DLGAP1: variants seen among roughly 807,000 people sequenced by gnomAD.
DLGAP1 encodes DLG associated protein 1.
Under a neutral mutation model 90.8 loss-of-function variants are expected in DLGAP1, and 11 were observed. The ratio of observed to expected loss-of-function variants is 0.12; its 90% confidence interval spans 0.08 to 0.20. The LOEUF (loss-of-function observed/expected upper bound fraction) is 0.20, where lower values mean the gene tolerates loss of function less well. Ranked by LOEUF, DLGAP1 falls within the 10% of genes least tolerant of loss-of-function variation. The pLI is 1.00. For synonymous variants in DLGAP1, 558 were observed against 540.7 expected, an observed-to-expected ratio of 1.03 and a Z score of -0.44; for missense variants, 1,050 against 1,333.8, an observed-to-expected ratio of 0.79 and a Z score of 3.31.
chr18:4,368,722 G>A (rs649584), intron 1 of DLGAP1, among the ~76,000 whole-genome samples: 143,630 of 151,252 alleles, frequency 0.95, 68,274 homozygotes, highest in East Asian at 1. Flanking sequence ...CATGACTACT[G>A]TAGATTTATA....
chr18:4,196,380 A>C (rs1284620019), intron 1 of DLGAP1, among the ~76,000 whole-genome samples: 1 of 152,226 alleles, frequency 6.6e-6, no homozygotes, highest in Non-Finnish European at 1.5e-5. Flanking sequence ...AACTTCAAAA[A>C]ACAAAAGCAA....
chr18:4,204,136 C>A (rs78333740), intron 1 of DLGAP1, among the ~76,000 whole-genome samples: 2 of 152,296 alleles, frequency 1.3e-5, no homozygotes, highest in South Asian at 4.2e-4. Context: ...ATATTTAACT[C>A]GGCTTAATCG....
intron 1 of DLGAP1, among the ~76,000 whole-genome samples, chr18:4,351,878 TTCAAACAC>T (rs2081409881): frequency 6.6e-6 from 1 of 152,242 alleles, no homozygotes; most frequent in South Asian, 2.1e-4. Context: ...TTAGGTATAT[TTCAAACAC>T]TCAAATGTGT....
chr18:3,976,837 T>C (rs950997470), intron 3 of DLGAP1, among the ~76,000 whole-genome samples: 2 of 152,216 alleles, frequency 1.3e-5, no homozygotes, highest in African/African-American at 4.8e-5. Flanking sequence ...AAAGGTACTA[T>C]TCTCATCATG....
chr18:3,736,688 C>T (rs959446030), intron 6 of DLGAP1, among the ~76,000 whole-genome samples: 1 of 152,098 alleles, frequency 6.6e-6, no homozygotes, highest in African/African-American at 2.4e-5. Context: ...AATGTTGCAA[C>T]TACAACAGGA....
rs990811474 is a variant in DLGAP1 at position 3,561,263 on chromosome 18, A to C, written c.2057+6227T>G. Among the ~76,000 whole-genome samples the C allele has an allele frequency of 9.7e-5, 10 of 103,148 alleles. 1 individual carries two copies. The highest frequency in any genetic ancestry group is 5.0e-4 in the African/African-American group (7 of 13,988). The allele number at this position is 103,148 out of a possible 152,430, so 67.7% of individuals were successfully genotyped here. On this transcript the variant is annotated intron_variant, in intron 9 of 12. Transcript: ENST00000315677. ...AAACACCGTCTCTACTAAAAAAAAA[A>C]AACAAAAAAAAAAAAACAAACAAAA...
chr18:3,595,542 C>A (rs1356115524), intron 7 of DLGAP1, among the ~76,000 whole-genome samples: 1 of 152,010 alleles, frequency 6.6e-6, no homozygotes, highest in Non-Finnish European at 1.5e-5. Context: ...CTAGTATGTG[C>A]CTGGACCACT....
intron 10 of DLGAP1, among the ~76,000 whole-genome samples, chr18:3,514,102 A>T (rs1480758385): frequency 7.7e-6 from 1 of 130,594 alleles, no homozygotes; most frequent in African/African-American, 2.5e-5. Context: ...CATTTCTCTG[A>T]CTGCTTCTTT....
intron 3 of DLGAP1, among the ~76,000 whole-genome samples, chr18:3,957,413 C>G (rs1486622928): frequency 6.6e-6 from 1 of 152,174 alleles, no homozygotes. Flanking sequence ...TGTGGAATGA[C>G]AAACTTATGT....
At chr18:4,387,923 T>TCACACACACACACA (rs869144582) in intron 1 of DLGAP1, among the ~76,000 whole-genome samples, 5 of 33,686 alleles carry the variant, frequency 1.5e-4, no homozygotes, top group African/African-American at 2.4e-4. Context: ...AGAGACTCCA[T>TCACACACACACACA]CACACATACA....
chr18:4,217,691 C>T (rs2077987533), intron 1 of DLGAP1, among the ~76,000 whole-genome samples: 1 of 151,766 alleles, frequency 6.6e-6, no homozygotes, highest in Non-Finnish European at 1.5e-5. Context: ...GACCTTTTTC[C>T]CATTTCCTTG....
At chr18:4,108,973 G>C (rs1426928667) in intron 2 of DLGAP1, among the ~76,000 whole-genome samples, 1 of 152,164 alleles carries the variant, frequency 6.6e-6, no homozygotes, top group South Asian at 2.1e-4. Flanking sequence ...TAGTACAACA[G>C]GTATAAGTTC....
chr18:3,974,877 G>T (rs1045794089), intron 3 of DLGAP1, among the ~76,000 whole-genome samples: 58 of 150,086 alleles, frequency 3.9e-4, no homozygotes, highest in African/African-American at 1.3e-3. Flanking sequence ...GTACAACATG[G>T]ATAAACCTTG....
intron 2 of DLGAP1, among the ~76,000 whole-genome samples, chr18:4,069,352 G>A (rs1260509929): frequency 6.6e-6 from 1 of 152,114 alleles, no homozygotes; most frequent in South Asian, 2.1e-4. Flanking sequence ...GGGGATTGAT[G>A]ATTCTTTGTT....
rs376226100 is a variant in DLGAP1 at position 3,928,308 on chromosome 18, A to C, written c.-72-48168T>G. Among the ~76,000 whole-genome samples, 42 of 152,320 alleles carry C rather than the reference A, an allele frequency of 2.8e-4. 1 individual carries two copies. The South Asian group carries it at 8.1e-3, about 29-fold the overall frequency. ...TGGCTCTTGAGTTGTTGCCATGTTG[A>C]TGCTCTCAAGTCTTTTCCTGGAAGA... On this transcript the variant is annotated intron_variant, in intron 3 of 12. Transcript: ENST00000315677.
intron 1 of DLGAP1, among the ~76,000 whole-genome samples, chr18:4,272,855 C>T (rs2079316772): frequency 6.6e-6 from 1 of 152,184 alleles, no homozygotes; most frequent in African/African-American, 2.4e-5. Context: ...AGGGTGGCCC[C>T]TACATCCAAC....
intron 4 of DLGAP1, among the ~76,000 whole-genome samples, chr18:3,873,205 G>A (rs1451914327): frequency 3.3e-5 from 5 of 151,798 alleles, no homozygotes; most frequent in African/African-American, 4.8e-5. Flanking sequence ...GAGAATAAAA[G>A]AGAATCAGAG....
intron 1 of DLGAP1, among the ~76,000 whole-genome samples, chr18:4,318,737 C>T (rs2080596098): frequency 6.6e-6 from 1 of 152,260 alleles, no homozygotes; most frequent in South Asian, 2.1e-4. Flanking sequence ...ACTCAGTGTA[C>T]TCATCTGTTT....
intron 4 of DLGAP1, among the ~76,000 whole-genome samples, chr18:3,850,836 T>G (rs892751783): frequency 6.6e-6 from 1 of 152,124 alleles, no homozygotes; most frequent in Non-Finnish European, 1.5e-5. Context: ...AAGATTAACT[T>G]GGTTGATAGG....
Sources: allele counts gnomAD v4.1 joint callset (sites outside exome capture counted in the v4.1 genomes callset), GRCh38; gene constraint gnomAD v4.1.1; transcripts MANE v1.5; gene names NCBI Gene and HGNC (gene_info 2026-07-23, HGNC 2026-07-21).